The following ETV3L variants were observed in gnomAD, a reference collection of about 807,000 sequenced individuals.
ETV3L encodes ETS variant transcription factor 3 like.
ETV3L carries 30 observed loss-of-function variants against 27.6 expected under a neutral mutation model. That is an observed-to-expected ratio of 1.09 (90% confidence interval 0.81 to 1.48). ETV3L has a LOEUF of 1.48. ETV3L is among the 40% of genes most tolerant of loss of function. The pLI is 0.00. For synonymous variants in ETV3L, 186 were observed against 188.9 expected (o/e 0.98, Z 0.12); for missense variants, 443 against 455.6 (o/e 0.97, Z 0.25).
In ETV3L at chr1:157,092,622, T is replaced by C. The variant is rs1558019220; in HGVS notation, c.*27A>G. 3 of 1,556,988 alleles carry C rather than the reference T, an allele frequency of 1.9e-6. No homozygotes were observed. Among genetic ancestry groups the C allele is most frequent in the Non-Finnish European group, 2.6e-6 (3 of 1,147,690 alleles). On this transcript the variant is annotated 3_prime_UTR_variant, in exon 5 of 5. Coordinates refer to ENST00000454449, the MANE Select transcript of ETV3L (RefSeq NM_001004341.2). ...GGAGAGATGGACTTTGGAGGACTCCTCCCCAACTTCCCACCTTCCTCTCTA... is the reference window on the plus strand; with the variant it reads ...GGAGAGATGGACTTTGGAGGACTCCCCCCCAACTTCCCACCTTCCTCTCTA...
chr1:157,094,932 AAACCTGG>A (rs1674192063), intron 4 of ETV3L, among the ~76,000 whole-genome samples: 1 of 151,652 alleles, frequency 6.6e-6, no homozygotes, highest in African/African-American at 2.4e-5. Flanking sequence ...AAAAAAAAAA[AAACCTGG>A]AAAAACAAAT....
Position 157,099,491 on chromosome 1 carries a change from T to C in ETV3L, c.33A>G (p.Pro11=). ...CTGAGATCCAGTTGCCGGGGTTGGC[T>C]GGGATGCCCTCAGCCAAGCAGCTGC... MHCSCLAEGI[P]ANPGNWISGL... Residue 11 remains proline, a synonymous_variant, in exon 1 of 5, where the codon CCA becomes CCG. Transcript: ENST00000454449. 6.2e-7 allele frequency: 1 copy of C among 1,613,200 alleles called. No individual in the cohort carries two copies. Among genetic ancestry groups the C allele is most frequent in the Non-Finnish European group, 8.5e-7 (1 of 1,179,694 alleles).
chr1:157,098,089 A>C, intron 3 of ETV3L, 101 bp from the exon 4 acceptor site: 12 of 1,342,238 alleles, frequency 8.9e-6, no homozygotes, highest in Admixed American at 2.8e-5. Flanking sequence ...ACAATGAAAT[A>C]CTCTCATACC....
At chr1:157,097,663 C>G (rs1012552655) in intron 4 of ETV3L, among the ~76,000 whole-genome samples, 4 of 152,290 alleles carry the variant, frequency 2.6e-5, no homozygotes, top group African/African-American at 9.6e-5. Flanking sequence ...TCTCTGCTCC[C>G]CACTAGGTTC....
intron 4 of ETV3L, among the ~76,000 whole-genome samples, chr1:157,097,486 A>AAAG (rs1674252268): frequency 6.6e-6 from 1 of 151,324 alleles, no homozygotes; most frequent in Non-Finnish European, 1.5e-5. Context: ...AAAAAAAAAA[A>AAAG]AAAAGAATAA....
rs896523703 is a variant in ETV3L, at chr1:157,098,770, T to C, written c.422A>G (p.His141Arg). 6.2e-7 allele frequency: 1 copy of C among 1,613,440 alleles called. No individual in the cohort carries two copies. The highest frequency in any genetic ancestry group is 1.3e-5 in the African/African-American group (1 of 74,854). Residue 141 changes from histidine (H) to arginine (R), a missense_variant, in exon 3 of 5, where the codon CAC (histidine) becomes CGC (arginine). His to Arg is a conservative substitution (Grantham distance 29). Transcript: ENST00000454449. ...LWEVRAPPSP[H>R]LLLGAPALCR... ...CAGGGCAGGGGCCCCCAGCAGCAAG[T>C]GGGGGGATGGCGGCGCCCGCACTTC...
At chr1:157,093,167 C>G (rs1286493183) in intron 4 of ETV3L, 40 bp from the exon 5 acceptor site, 4 of 1,361,344 alleles carry the variant, frequency 2.9e-6, no homozygotes, top group East Asian at 5.2e-5. Context: ...GGAGCCCAAC[C>G]TCTCGCAGAT....
Position 157,092,814 on chromosome 1 carries a change from G to A in ETV3L, c.921C>T (p.Pro307=), listed in dbSNP as rs775103612. The part of the protein sequence containing the change: ...GERLWLLSLR[P]EGLEVKPAPM... ...GAGCAGGCTTTACTTCCAGCCCCTC[G>A]GGCCTGAGGGACAAGAGCCAAAGCC... is the stretch of plus-strand genomic sequence containing the variant. The change falls in exon 5 of 5, where the codon CCC becomes CCT. Residue 307 remains proline (P), a synonymous_variant. Transcript: ENST00000454449. The A allele has an allele frequency of 2.5e-5, 41 of 1,613,992 alleles. No individual in the cohort carries two copies. The highest frequency in any genetic ancestry group is 8.3e-5 in the Admixed American group (5 of 59,998).
Position 157,097,980 on chromosome 1 carries a change from G to A in ETV3L, c.495C>T (p.His165=), listed in dbSNP as rs1358254286. ...VPVGVQSELL[H]SMLFAHQAMV... ...TGGCCTGATGGGCAAATAGCATGCT[G>A]TGCAGGAGCTGAGGGGTGAGAAGTA... is the stretch of plus-strand genomic sequence containing the variant. The change falls in exon 4 of 5, where the codon CAC becomes CAT. Residue 165 remains histidine (H), a synonymous_variant. Transcript: ENST00000454449. The A allele has an allele frequency of 6.2e-7, 1 of 1,607,720 alleles. No homozygotes were observed. Among genetic ancestry groups the A allele is most frequent in the Non-Finnish European group, 8.5e-7 (1 of 1,176,650 alleles).
In ETV3L at chr1:157,099,786, C is replaced by A. The variant is rs112858973; in HGVS notation, c.-263G>T. On this transcript the variant is annotated 5_prime_UTR_variant, in exon 1 of 5. Transcript: ENST00000454449. ...GCCCAGCCCCCTCTGGGGACCTCCC[C>A]GCTGCCCAGGGCTGACTCGGACTCA... The A allele has an allele frequency of 2.6e-5, 15 of 581,472 alleles. No homozygotes were observed. The highest frequency in any genetic ancestry group is 4.5e-4 in the Middle Eastern group (1 of 2,218). 36.0% of individuals were successfully genotyped at this position (581,472 alleles called of 1,614,324 possible). A position where few individuals can be genotyped will look rare whatever the true frequency, so the allele number is the denominator to read the frequency against.
intron 4 of ETV3L, among the ~76,000 whole-genome samples, chr1:157,096,887 C>G (rs1405825060): frequency 2.0e-5 from 3 of 152,096 alleles, no homozygotes; most frequent in African/African-American, 7.2e-5. Flanking sequence ...CCATTGCACT[C>G]CAGCCTGGGC....
At position 157,092,950 on chromosome 1, in the gene ETV3L, G is replaced by A. The variant is rs747623554; in HGVS notation, c.785C>T (p.Pro262Leu). The A allele has an allele frequency of 6.2e-7, 1 of 1,614,056 alleles. No individual in the cohort carries two copies. Among genetic ancestry groups the A allele is most frequent in the East Asian group, 2.2e-5 (1 of 44,876 alleles). The change falls in exon 5 of 5, where the codon CCA becomes CTA. Residue 262 changes from proline (P) to leucine (L), a missense_variant. Pro to Leu is a moderately conservative substitution (Grantham distance 98, BLOSUM62 -3). Coordinates refer to ENST00000454449, the MANE Select transcript of ETV3L (RefSeq NM_001004341.2). Reference protein sequence around the residue: ...LPPLPSEQQLPGAFKPDILLP... With the variant: ...LPPLPSEQQLLGAFKPDILLP... ...CAGGATGTCTGGCTTAAAAGCCCCT[G>A]GGAGCTGCTGCTCTGACGGGAGAGG...
chr1:157,092,539 G>T lies in ETV3L; in HGVS notation c.*110C>A. The T allele has an allele frequency of 1.1e-6, 1 of 932,924 alleles. No individual in the cohort carries two copies. Among genetic ancestry groups the T allele is most frequent in the Non-Finnish European group, 1.6e-6 (1 of 622,498 alleles). 57.8% of individuals were successfully genotyped at this position (932,924 alleles called of 1,614,324 possible). On this transcript the variant is annotated 3_prime_UTR_variant, in exon 5 of 5. Coordinates refer to ENST00000454449, the MANE Select transcript of ETV3L (RefSeq NM_001004341.2). The stretch of plus-strand genomic sequence containing the variant: ...GTCCAACTCCACCCCTTCAAATCCT[G>T]CAATTTCAGCCCATGTCCAGCCAGG...
In ETV3L at chr1:157,097,288, C is replaced by T. The variant is rs533413447; in HGVS notation, c.607+580G>A. The stretch of plus-strand genomic sequence containing the variant: ...AGGAGTTTGAGACCAGCCTGGCCAA[C>T]ATGGTGAAACCCCGTCTTTACTAAA... On this transcript the variant is annotated intron_variant, in intron 4 of 4. Coordinates refer to ENST00000454449, the MANE Select transcript of ETV3L (RefSeq NM_001004341.2). 1.6e-4 allele frequency among the ~76,000 whole-genome samples: 25 copies of T among 151,938 alleles called. No homozygotes were observed. In the South Asian group the frequency reaches 2.3e-3, roughly 14 times the overall value.
rs142257632 is a variant in ETV3L, at chr1:157,093,200, C to T, written c.608-73G>A. 3.6e-3 allele frequency: 3,845 copies of T among 1,069,250 alleles called. 9 individuals carry two copies. The highest frequency in any genetic ancestry group is 3.9e-3 in the Non-Finnish European group (3,096 of 785,090). 66.2% of individuals were successfully genotyped at this position (1,069,250 alleles called of 1,614,324 possible). On this transcript the variant is annotated intron_variant, in intron 4 of 4. Transcript: ENST00000454449. ...GATGCTCCTTGCTCCTCCCATTTCCCAGCCCTTCTTGTTTCTTGCTTGGAA... is the reference window on the plus strand; with the variant it reads ...GATGCTCCTTGCTCCTCCCATTTCCTAGCCCTTCTTGTTTCTTGCTTGGAA...
intron 3 of ETV3L, 71 bp downstream of exon 3, chr1:157,098,635 G>A: frequency 7.2e-7 from 1 of 1,396,564 alleles, no homozygotes; most frequent in Non-Finnish European, 9.6e-7. Flanking sequence ...CAAAGAGGAG[G>A]GTGGGGAGCC....
chr1:157,096,582 T>C (rs184200577), intron 4 of ETV3L, among the ~76,000 whole-genome samples: 12 of 152,318 alleles, frequency 7.9e-5, no homozygotes, highest in Non-Finnish European at 1.5e-4. Flanking sequence ...TCCAGTCTTA[T>C]GCTTCCTCCA....
In ETV3L at chr1:157,093,097, A is replaced by C; in HGVS notation, c.638T>G (p.Leu213Arg). ...GCTCCCCAAATGGCAGCAAAGGCCC[A>C]GCCGGCAGGGGCCTGGGGCAGAGCC... Reference protein sequence around the residue: ...RLGSAPGPCRLGLCCHLGSVQ... With the variant: ...RLGSAPGPCRRGLCCHLGSVQ... The change falls in exon 5 of 5, where the codon CTG (leucine) becomes CGG (arginine). Residue 213 changes from leucine to arginine, a missense_variant. Coordinates refer to ENST00000454449, the MANE Select transcript of ETV3L (RefSeq NM_001004341.2). The C allele has an allele frequency of 6.8e-7, 1 of 1,470,744 alleles. No individual in the cohort carries two copies. Among genetic ancestry groups the C allele is most frequent in the Non-Finnish European group, 9.0e-7 (1 of 1,110,380 alleles). The allele number at this position is 1,470,744 out of a possible 1,614,324, so 91.1% of individuals were successfully genotyped here. A position where few individuals can be genotyped will look rare whatever the true frequency, so the allele number is the denominator to read the frequency against.
At position 157,097,872 on chromosome 1, in the gene ETV3L, G is replaced by A. The variant is rs1674263111; in HGVS notation, c.603C>T (p.Val201=). 6.2e-7 allele frequency: 1 copy of A among 1,612,394 alleles called. No homozygotes were observed. The highest frequency in any genetic ancestry group is 8.5e-7 in the Non-Finnish European group (1 of 1,179,654). ...CTCCCAGCCTTGAGCACTCACGGTA[G>A]ACGCTGCTGCTGCTCCCCTTCTTAT... ...SGDKKGSSSS[V]YRLGSAPGPC... is the part of the protein sequence containing the mutation. Residue 201 remains valine, a synonymous_variant, in exon 4 of 5, where the codon GTC becomes GTT. Coordinates refer to ENST00000454449, the MANE Select transcript of ETV3L (RefSeq NM_001004341.2).
Sources: allele counts gnomAD v4.1 joint callset (sites outside exome capture counted in the v4.1 genomes callset), GRCh38; gene constraint gnomAD v4.1.1; transcripts MANE v1.5; gene names NCBI Gene and HGNC (gene_info 2026-07-23, HGNC 2026-07-21).